Variants in SLC25A48 observed in about 807,000 individuals in gnomAD.
SLC25A48 encodes the protein solute carrier family 25 member 48.
Under a neutral mutation model 32.2 loss-of-function variants are expected in SLC25A48, and 29 were observed. That is an observed-to-expected ratio of 0.90 (90% confidence interval 0.67 to 1.23). The LOEUF (loss-of-function observed/expected upper bound fraction) is 1.23, where lower values mean the gene tolerates loss of function less well. SLC25A48 is among the 50% of genes most tolerant of loss of function. SLC25A48 has a pLI of 0.00. For synonymous variants in SLC25A48, 164 were observed against 172.3 expected (o/e 0.95, Z 0.38); for missense variants, 399 against 422.7 (o/e 0.94, Z 0.49).
At chr5:135,838,177 C>T (rs1758688519) in intron 1 of SLC25A48, among the ~76,000 whole-genome samples, 2 of 152,186 alleles carry the variant, frequency 1.3e-5, no homozygotes, top group South Asian at 4.1e-4. Context: ...CATTTTGCCC[C>T]TGCCTTAGAG....
chr5:135,632,349 A>G (rs1276131340), intron 2 of SLC25A48, among the ~76,000 whole-genome samples: 1 of 152,166 alleles, frequency 6.6e-6, no homozygotes, highest in African/African-American at 2.4e-5. Context: ...ACCTATTAGG[A>G]GGTAGATATG....
intron 1 of SLC25A48, among the ~76,000 whole-genome samples, chr5:135,623,057 A>G (rs952451717): frequency 2.0e-5 from 3 of 152,212 alleles, no homozygotes; most frequent in Admixed American, 6.5e-5. Context: ...CACTGGGCGC[A>G]AATGAAATCT....
At chr5:135,750,527 C>G (rs369008445) in intron 3 of SLC25A48, among the ~76,000 whole-genome samples, 5 of 152,272 alleles carry the variant, frequency 3.3e-5, no homozygotes, top group African/African-American at 1.2e-4. Flanking sequence ...ACCATATTCT[C>G]TCCGTCAAAG....
chr5:135,773,207 C>T (rs554179772), intron 3 of SLC25A48, among the ~76,000 whole-genome samples: 10 of 151,104 alleles, frequency 6.6e-5, no homozygotes, highest in African/African-American at 2.4e-4. Context: ...TGATATTGTT[C>T]TTAATATTAT....
chr5:135,835,279 G>T, intron 1 of SLC25A48: 9 of 453,056 alleles, frequency 2.0e-5, no homozygotes, highest in South Asian at 1.3e-4. Context: ...TGAGGGTAGC[G>T]CTTGGCTGCT....
intron 4 of SLC25A48, among the ~76,000 whole-genome samples, chr5:135,855,520 A>G (rs933437674): frequency 1.3e-5 from 2 of 152,224 alleles, no homozygotes; most frequent in African/African-American, 4.8e-5. Context: ...TAGTTACTCA[A>G]GAACACACGA....
intron 7 of SLC25A48, among the ~76,000 whole-genome samples, chr5:135,887,604 G>GC (rs1762782345): frequency 6.6e-6 from 1 of 152,156 alleles, no homozygotes; most frequent in Non-Finnish European, 1.5e-5. Flanking sequence ...GTCTGGGAGT[G>GC]CACGATCTTG....
At chr5:135,850,579 T>C (rs1759775149) in intron 3 of SLC25A48, 83 bp downstream of exon 3, 12 of 1,330,912 alleles carry the variant, frequency 9.0e-6, no homozygotes, top group Non-Finnish European at 1.1e-5. Flanking sequence ...CACACCAGCA[T>C]GCAGGTGGGG....
At position 135,721,192 on chromosome 5, in the gene SLC25A48, C is replaced by CTTTTT. The variant is rs757412641; in HGVS notation, c.-521+86261_-521+86265dup. On this transcript the variant is annotated intron_variant, in intron 3 of 10. Coordinates refer to the SLC25A48 transcript ENST00000646290. Reference sequence around the variant, plus strand: ...GAGTAGCTGGGACACCATGCCTGGCCTTTTTTTTTTTTTTTTTTTTTTTTT... The same window carrying CTTTTT: ...GAGTAGCTGGGACACCATGCCTGGCCTTTTTTTTTTTTTTTTTTTTTTTTTTTTTT... 6.6e-3 allele frequency among the ~76,000 whole-genome samples: 358 copies of CTTTTT among 53,874 alleles called. 56 individuals carry two copies. The highest frequency in any genetic ancestry group is 8.9e-3 in the Non-Finnish European group (212 of 23,716). The allele number at this position is 53,874 out of a possible 152,430, so 35.3% of individuals were successfully genotyped here.
chr5:135,665,765 G>GAAAAA lies in SLC25A48; in HGVS notation c.-521+30816_-521+30820dup, dbSNP rs10648621. Among the ~76,000 whole-genome samples, 1,447 of 148,152 alleles carry GAAAAA rather than the reference G, an allele frequency of 9.8e-3. 28 individuals are homozygous for GAAAAA. Among genetic ancestry groups the GAAAAA allele is most frequent in the African/African-American group, 0.034 (1,359 of 40,118 alleles). On this transcript the variant is annotated intron_variant, in intron 3 of 10. Coordinates refer to the SLC25A48 transcript ENST00000646290. ...CTTAAACACTCTTGTTATTCTTTTT[G>GAAAAA]AAAAAAAAAAATCAGATTCATCCTT...
chr5:135,587,612 G>A (rs1203840043), intron 1 of SLC25A48, among the ~76,000 whole-genome samples: 1 of 152,206 alleles, frequency 6.6e-6, no homozygotes, highest in African/African-American at 2.4e-5. Flanking sequence ...GTGTTCCTCA[G>A]AGGATTTACC....
chr5:135,761,946 G>A (rs1374264900), intron 3 of SLC25A48, among the ~76,000 whole-genome samples: 1 of 152,188 alleles, frequency 6.6e-6, no homozygotes, highest in Non-Finnish European at 1.5e-5. Context: ...ACAGCTGCTT[G>A]AGCTCCATGG....
In SLC25A48 at chr5:135,772,024, A is replaced by C. The variant is rs1387116002; in HGVS notation, c.-520-40499A>C. ...TGTACACTCCCCTATGATATTGTTC[A>C]TAATATTCATAATGGGAGAGGATGG... On this transcript the variant is annotated intron_variant, in intron 3 of 10. Coordinates refer to the SLC25A48 transcript ENST00000646290. Among the ~76,000 whole-genome samples, 3 of 151,466 alleles carry C rather than the reference A, an allele frequency of 2.0e-5. No individual in the cohort carries two copies. The East Asian group carries it at 5.8e-4, about 29-fold the overall frequency.
At chr5:135,640,151 A>T (rs747846893) in intron 3 of SLC25A48, among the ~76,000 whole-genome samples, 1 of 152,224 alleles carries the variant, frequency 6.6e-6, no homozygotes, top group Non-Finnish European at 1.5e-5. Context: ...CTAGATTAAC[A>T]GGAGATTGCA....
At chr5:135,735,716 A>T (rs546222000) in intron 3 of SLC25A48, among the ~76,000 whole-genome samples, 17 of 152,154 alleles carry the variant, frequency 1.1e-4, no homozygotes, top group Middle Eastern at 3.4e-3. Flanking sequence ...GCCAGAGAAA[A>T]AATTTCCTGT....
chr5:135,814,204 C>T (rs970894293), intron 4 of SLC25A48, among the ~76,000 whole-genome samples: 2 of 152,176 alleles, frequency 1.3e-5, no homozygotes, highest in African/African-American at 4.8e-5. Context: ...TGGGCTTCTG[C>T]ACCCTGGGCC....
chr5:135,787,634 C>T (rs1456250106), intron 3 of SLC25A48, among the ~76,000 whole-genome samples: 2 of 151,808 alleles, frequency 1.3e-5, no homozygotes, highest in Non-Finnish European at 2.9e-5. Context: ...GGAGTGTATA[C>T]TCTGTGATAT....
intron 3 of SLC25A48, among the ~76,000 whole-genome samples, chr5:135,751,107 C>A (rs113117818): frequency 4.4e-4 from 67 of 152,278 alleles, no homozygotes; most frequent in African/African-American, 1.6e-3. Context: ...TCCAGGAGAA[C>A]CACCCAGCCC....
intron 3 of SLC25A48, among the ~76,000 whole-genome samples, chr5:135,767,988 A>G (rs977452254): frequency 6.9e-5 from 10 of 145,830 alleles, no homozygotes; most frequent in Non-Finnish European, 1.1e-4. Flanking sequence ...TACTCCCAAT[A>G]TCACAGCGGG....
Sources: gnomAD v4.1 joint callset for allele counts (sites outside exome capture counted in the v4.1 genomes callset) on GRCh38, gnomAD v4.1.1 for gene constraint, MANE v1.5 for transcripts, NCBI Gene and HGNC (gene_info 2026-07-23, HGNC 2026-07-21) for gene names.